ABLIM2: variants seen among roughly 807,000 people sequenced by gnomAD.
ABLIM2 encodes the protein actin-binding LIM protein 2.
ABLIM2 carries 53 observed loss-of-function variants against 97.7 expected under a neutral mutation model. The ratio of observed to expected loss-of-function variants is 0.54; its 90% confidence interval spans 0.44 to 0.68. The LOEUF is 0.68. Ranked by LOEUF, ABLIM2 falls within the 30% of genes least tolerant of loss-of-function variation. The pLI is 0.00. For synonymous variants in ABLIM2, 361 were observed against 345.8 expected (o/e 1.04, Z -0.49); for missense variants, 835 against 867.2 (o/e 0.96, Z 0.47).
Position 7,970,591 on chromosome 4 carries a change from C to A in ABLIM2, c.1825-3488G>T, listed in dbSNP as rs1053148063. The stretch of plus-strand genomic sequence containing the variant: ...GTGGGAGCCTCTGGGGAGGGCGATT[C>A]GAGGAAGACTTGGAGCTGGCGGGCA... On this transcript the variant is annotated intron_variant, in intron 20 of 20. Transcript: ENST00000447017. The surrounding 1 kb of genome is among the most constrained non-coding windows in gnomAD (Gnocchi z 5.3). 6.6e-6 allele frequency among the ~76,000 whole-genome samples: 1 copy of A among 151,220 alleles called. No homozygotes were observed. Among genetic ancestry groups the A allele is most frequent in the East Asian group, 2.0e-4 (1 of 5,112 alleles).
rs1159636696 is a variant in ABLIM2, at chr4:8,125,953, A to G, written c.11-19316T>C. The stretch of plus-strand genomic sequence containing the variant: ...TGCATGTCTCCTTTTTTGGTTCACA[A>G]CACCCTGGGAGGGGGAAGCCACACA... On this transcript the variant is annotated intron_variant, in intron 1 of 20. Coordinates refer to ENST00000447017, the MANE Select transcript of ABLIM2 (RefSeq NM_001130083.2). The surrounding 1 kb of genome is among the most constrained non-coding windows in gnomAD (Gnocchi z 6.2). Among the ~76,000 whole-genome samples the G allele has an allele frequency of 2.0e-5, 3 of 152,116 alleles. No homozygotes were observed. In the East Asian group the frequency reaches 5.8e-4, roughly 30 times the overall value.
rs184998875 is a variant in ABLIM2 at position 8,125,964 on chromosome 4, G to C, written c.11-19327C>G. Among the ~76,000 whole-genome samples, 27 of 152,280 alleles carry C rather than the reference G, an allele frequency of 1.8e-4. No individual in the cohort carries two copies. The highest frequency in any genetic ancestry group is 2.4e-4 in the Non-Finnish European group (16 of 68,004). ...TTTTTTGGTTCACAACACCCTGGGA[G>C]GGGGAAGCCACACAGCCAACCCGCT... On this transcript the variant is annotated intron_variant, in intron 1 of 20. Coordinates refer to ENST00000447017, the MANE Select transcript of ABLIM2 (RefSeq NM_001130083.2). The surrounding 1 kb of genome is among the most constrained non-coding windows in gnomAD (Gnocchi z 6.2).
rs1186895907 is a variant in ABLIM2 at position 8,087,980 on chromosome 4, A to AC, written c.454+188dup. ...GCAGAGACCAAGCCCCCAACTCAGC[A>AC]CCCCCCCCACAACCAGCAAGCCCCC... On this transcript the variant is annotated intron_variant, in intron 4 of 20. Transcript: ENST00000447017. The surrounding 1 kb of genome is among the most constrained non-coding windows in gnomAD (Gnocchi z 4.6). Among the ~76,000 whole-genome samples the AC allele has an allele frequency of 3.9e-4, 23 of 59,474 alleles. No individual in the cohort carries two copies. Among genetic ancestry groups the AC allele is most frequent in the South Asian group, 7.1e-4 (1 of 1,400 alleles). The allele number at this position is 59,474 out of a possible 152,430, so 39.0% of individuals were successfully genotyped here. A position where few individuals can be genotyped will look rare whatever the true frequency, so the allele number is the denominator to read the frequency against.
chr4:7,986,373 G>C lies in ABLIM2; in HGVS notation c.1681-1480C>G, dbSNP rs1357844672. On this transcript the variant is annotated intron_variant, in intron 17 of 20. Transcript: ENST00000447017. The surrounding 1 kb of genome is among the most constrained non-coding windows in gnomAD (Gnocchi z 4.3). Reference sequence around the variant, plus strand: ...GAAAACCGAGGCCCCGAGGGAAGCTGGACCTTCTTCCTGATGCAGAGCTGG... The same window carrying C: ...GAAAACCGAGGCCCCGAGGGAAGCTCGACCTTCTTCCTGATGCAGAGCTGG... Among the ~76,000 whole-genome samples, 1 of 152,196 alleles carries C rather than the reference G, an allele frequency of 6.6e-6. No homozygotes were observed. The highest frequency in any genetic ancestry group is 2.4e-5 in the African/African-American group (1 of 41,456).
chr4:8,059,511 CCT>C (rs1801475641), intron 7 of ABLIM2, among the ~76,000 whole-genome samples: 1 of 152,080 alleles, frequency 6.6e-6, no homozygotes, highest in African/African-American at 2.4e-5. Flanking sequence ...TAAGGTGCCC[CCT>C]GTCCCCCGGC....
At chr4:8,026,415 CG>C (rs1480044798) in intron 12 of ABLIM2, among the ~76,000 whole-genome samples, 5 of 152,350 alleles carry the variant, frequency 3.3e-5, no homozygotes, top group Admixed American at 6.5e-5. Flanking sequence ...CAGTAGGCCA[CG>C]GGGCCCGCCC....
At chr4:7,969,203 C>T (rs1250427848) in intron 20 of ABLIM2, among the ~76,000 whole-genome samples, 2 of 152,078 alleles carry the variant, frequency 1.3e-5, no homozygotes, top group Non-Finnish European at 2.9e-5. Flanking sequence ...CCTGTAATCC[C>T]AGCACTTTGG....
rs1172969217 is a variant in ABLIM2, at chr4:8,150,967, C to T, written c.10+7713G>A. Reference sequence around the variant, plus strand: ...AGGGTATTTACAGCTGTGACAAAGGCCATTCTGCCCGTTCCCTGGTGCCTG... The same window carrying T: ...AGGGTATTTACAGCTGTGACAAAGGTCATTCTGCCCGTTCCCTGGTGCCTG... On this transcript the variant is annotated intron_variant, in intron 1 of 20. Coordinates refer to ENST00000447017, the MANE Select transcript of ABLIM2 (RefSeq NM_001130083.2). The surrounding 1 kb of genome is among the most constrained non-coding windows in gnomAD (Gnocchi z 6.3). 1.3e-5 allele frequency among the ~76,000 whole-genome samples: 2 copies of T among 152,172 alleles called. No individual in the cohort carries two copies. The highest frequency in any genetic ancestry group is 4.8e-5 in the African/African-American group (2 of 41,442).
At chr4:8,040,763 C>T (rs1787889168) in intron 9 of ABLIM2, among the ~76,000 whole-genome samples, 1 of 152,226 alleles carries the variant, frequency 6.6e-6, no homozygotes, top group Non-Finnish European at 1.5e-5. Context: ...GAGAGCAGGG[C>T]TGTTCGGGCT....
intron 9 of ABLIM2, among the ~76,000 whole-genome samples, chr4:8,039,896 T>A (rs1351218638): frequency 2.1e-5 from 3 of 143,042 alleles, no homozygotes; most frequent in East Asian, 2.2e-4. Context: ...TTTTTTTTTT[T>A]AATAAATGCA....
At position 8,061,990 on chromosome 4, in the gene ABLIM2, C is replaced by A. The variant is rs1186334212; in HGVS notation, c.676-936G>T. Among the ~76,000 whole-genome samples the A allele has an allele frequency of 6.6e-6, 1 of 152,158 alleles. No homozygotes were observed. Among genetic ancestry groups the A allele is most frequent in the Non-Finnish European group, 1.5e-5 (1 of 68,038 alleles). On this transcript the variant is annotated intron_variant, in intron 6 of 20. Coordinates refer to ENST00000447017, the MANE Select transcript of ABLIM2 (RefSeq NM_001130083.2). This position sits in a 1 kb window ranked among gnomAD's most constrained non-coding sequence, Gnocchi z 4.5. ...GAGCAGGCTTTTCTCCTGCGCAGAG[C>A]CTGGTGTGGCCTCCTCTGCCAACCT...
At chr4:8,091,942 TAATACATATTATAATATAG>T (rs1422118072) in intron 3 of ABLIM2, among the ~76,000 whole-genome samples, 11 of 129,746 alleles carry the variant, frequency 8.5e-5, no homozygotes, top group Non-Finnish European at 1.6e-4. Flanking sequence ...TTATAATATA[TAATACATATTATAATATAG>T]AATACATATT....
chr4:7,999,048 C>T lies in ABLIM2; in HGVS notation c.1619-6121G>A, dbSNP rs567156509. ...TCCCAGGGATGCTGTGCACAACCAG[C>T]GCTGAGAATCACTGGTTTATTTATT... On this transcript the variant is annotated intron_variant, in intron 16 of 20. Coordinates refer to ENST00000447017, the MANE Select transcript of ABLIM2 (RefSeq NM_001130083.2). The surrounding 1 kb of genome is among the most constrained non-coding windows in gnomAD (Gnocchi z 4.4). 7.9e-5 allele frequency among the ~76,000 whole-genome samples: 12 copies of T among 152,296 alleles called. No individual in the cohort carries two copies. Among genetic ancestry groups the T allele is most frequent in the East Asian group, 7.7e-4 (4 of 5,180 alleles).
chr4:8,141,567 A>C (rs1400534037), intron 1 of ABLIM2, among the ~76,000 whole-genome samples: 1 of 152,214 alleles, frequency 6.6e-6, no homozygotes, highest in Middle Eastern at 3.2e-3. Flanking sequence ...TATTTTGTAG[A>C]GATGGAGTAT....
rs768344452 is a variant in ABLIM2, at chr4:8,067,810, G to C, written c.676-6756C>G. 6.6e-6 allele frequency: 1 copy of C among 152,218 alleles called. No individual in the cohort carries two copies. The highest frequency in any genetic ancestry group is 2.1e-4 in the South Asian group (1 of 4,836). The allele number at this position is 152,218 out of a possible 1,614,324, so 9.4% of individuals were successfully genotyped here. ...CTGTGTGACTCAGGCCCTGTGTCACGTGCTGGGGTTCAGTGTCCCCGTGTA... is the reference window on the plus strand; with the variant it reads ...CTGTGTGACTCAGGCCCTGTGTCACCTGCTGGGGTTCAGTGTCCCCGTGTA... On this transcript the variant is annotated intron_variant, in intron 6 of 20. Coordinates refer to ENST00000447017, the MANE Select transcript of ABLIM2 (RefSeq NM_001130083.2). The surrounding 1 kb of genome is among the most constrained non-coding windows in gnomAD (Gnocchi z 5.4).
chr4:8,042,139 G>A (rs970295255), intron 9 of ABLIM2, among the ~76,000 whole-genome samples: 10 of 152,148 alleles, frequency 6.6e-5, no homozygotes, highest in African/African-American at 1.9e-4. Context: ...GGAAGGCCTC[G>A]GAAGCAGGGT....
Position 8,071,177 on chromosome 4 carries a change from G to T in ABLIM2, c.675+6451C>A, listed in dbSNP as rs552165770. 6.6e-6 allele frequency among the ~76,000 whole-genome samples: 1 copy of T among 152,012 alleles called. No homozygotes were observed. The highest frequency in any genetic ancestry group is 6.5e-5 in the Admixed American group (1 of 15,270). ...TCCCTCTGTGGGGGCAGCGCCATCC[G>T]TCCCCAGCAGCTGGCTCTGCCACAG... On this transcript the variant is annotated intron_variant, in intron 6 of 20. Coordinates refer to ENST00000447017, the MANE Select transcript of ABLIM2 (RefSeq NM_001130083.2). This position sits in a 1 kb window ranked among gnomAD's most constrained non-coding sequence, Gnocchi z 6.2.
intron 20 of ABLIM2, among the ~76,000 whole-genome samples, chr4:7,969,101 C>T (rs1450707968): frequency 2.0e-5 from 3 of 151,996 alleles, no homozygotes; most frequent in Non-Finnish European, 4.4e-5. Flanking sequence ...CATTGCATTC[C>T]AGCCTGGGTG....
rs1712205025 is a variant in ABLIM2 at position 8,150,302 on chromosome 4, A to T, written c.10+8378T>A. 6.6e-6 allele frequency among the ~76,000 whole-genome samples: 1 copy of T among 152,208 alleles called. No individual in the cohort carries two copies. Among genetic ancestry groups the T allele is most frequent in the Admixed American group, 6.5e-5 (1 of 15,292 alleles). On this transcript the variant is annotated intron_variant, in intron 1 of 20. Transcript: ENST00000447017. This position sits in a 1 kb window ranked among gnomAD's most constrained non-coding sequence, Gnocchi z 6.3. Reference sequence around the variant, plus strand: ...TGTCTTATGGAATGACGGCAGACAGATGAGGAGGCCATGCTGAACTGGGGA... The same window carrying T: ...TGTCTTATGGAATGACGGCAGACAGTTGAGGAGGCCATGCTGAACTGGGGA...
Sources: gnomAD v4.1 joint callset for allele counts (sites outside exome capture counted in the v4.1 genomes callset) on GRCh38, gnomAD v4.1.1 for gene constraint, Gnocchi (gnomAD v3.1) non-coding constraint, MANE v1.5 for transcripts, NCBI Gene and HGNC (gene_info 2026-07-23, HGNC 2026-07-21) for gene names.